Variants in ADAMTS14 observed in about 807,000 individuals in gnomAD.
The protein encoded by ADAMTS14 is ADAM metallopeptidase with thrombospondin type 1 motif 14.
In ADAMTS14, 100 loss-of-function variants were observed where a neutral mutation model predicts 128.6. That is an observed-to-expected ratio of 0.78 (90% CI 0.66 to 0.92). ADAMTS14 has a LOEUF of 0.92. Among genes scored for constraint, ADAMTS14 ranks in the 40% least tolerant of loss-of-function variants. The pLI, the probability that ADAMTS14 is intolerant of heterozygous loss-of-function variation, is 0.00. For missense variants in ADAMTS14, 1,562 were observed against 1,658.6 expected (o/e 0.94, Z 1.01); for synonymous variants, 665 against 653.8 (o/e 1.02, Z -0.26).
intron 4 of ADAMTS14, among the ~76,000 whole-genome samples, chr10:70,717,752 C>T (rs552555612): frequency 6.6e-6 from 1 of 152,330 alleles, no homozygotes; most frequent in African/African-American, 2.4e-5. Flanking sequence ...CAGCCAGAAG[C>T]TTCCAGTCTG....
At chr10:70,717,129 C>T (rs1841079969) in intron 4 of ADAMTS14, among the ~76,000 whole-genome samples, 5 of 152,150 alleles carry the variant, frequency 3.3e-5, no homozygotes, top group Admixed American at 2.6e-4. Context: ...TTAGTGAGTA[C>T]GTGTTGTGTG....
At chr10:70,681,525 C>A (rs1839802248) in intron 2 of ADAMTS14, among the ~76,000 whole-genome samples, 1 of 152,212 alleles carries the variant, frequency 6.6e-6, no homozygotes, top group Non-Finnish European at 1.5e-5. Context: ...AAACAGGAGT[C>A]ACATTAGTGT....
chr10:70,723,739 G>A (rs560411464), intron 4 of ADAMTS14, among the ~76,000 whole-genome samples: 12 of 152,248 alleles, frequency 7.9e-5, no homozygotes, highest in Admixed American at 3.9e-4. Flanking sequence ...AGACCTGCCC[G>A]AGCCTGGCTA....
intron 2 of ADAMTS14, among the ~76,000 whole-genome samples, chr10:70,694,529 A>T (rs1840278593): frequency 6.6e-6 from 1 of 152,084 alleles, no homozygotes; most frequent in African/African-American, 2.4e-5. Context: ...TTCACCCCCG[A>T]TCCAACATTA....
At chr10:70,697,283 G>A (rs1030730108) in intron 2 of ADAMTS14, among the ~76,000 whole-genome samples, 30 of 152,192 alleles carry the variant, frequency 2.0e-4, no homozygotes, top group African/African-American at 6.0e-4. Context: ...TTTGGCAAAC[G>A]TAGGCTGGTC....
At chr10:70,693,470 C>G (rs1219047606) in intron 2 of ADAMTS14, among the ~76,000 whole-genome samples, 1 of 152,164 alleles carries the variant, frequency 6.6e-6, no homozygotes, top group Non-Finnish European at 1.5e-5. Flanking sequence ...CAGATGCAAA[C>G]ACTAATATGG....
In ADAMTS14 at chr10:70,702,090, A is replaced by AGGGTG. The variant is rs1840509270; in HGVS notation, c.523-219_523-215dup. 2.6e-5 allele frequency among the ~76,000 whole-genome samples: 4 copies of AGGGTG among 152,276 alleles called. No individual in the cohort carries two copies. The South Asian group carries it at 8.3e-4, about 32-fold the overall frequency. On this transcript the variant is annotated intron_variant, in intron 2 of 21. Transcript: ENST00000373207. ...AAAGTGGATCTACTTTGCTGAAAGG[A>AGGGTG]GGGTGGGCCCCTTTGCTCAGCTTTC...
chr10:70,679,474 G>A (rs1839737877), intron 2 of ADAMTS14, among the ~76,000 whole-genome samples: 1 of 152,170 alleles, frequency 6.6e-6, no homozygotes, highest in African/African-American at 2.4e-5. Flanking sequence ...TCAGTTCTTT[G>A]CGGATCCTGG....
Position 70,735,315 on chromosome 10 carries a change from T to C in ADAMTS14, c.1485+14T>C, listed in dbSNP as rs767274604. On this transcript the variant is annotated intron_variant, in intron 9 of 21. Transcript: ENST00000373207. Reference sequence around the variant, plus strand: ...ACCTGCTTGGCAGTAAGTAGCCATCTGGCCTCTGCCAGGTGGTTGGGGGCC... The same window carrying C: ...ACCTGCTTGGCAGTAAGTAGCCATCCGGCCTCTGCCAGGTGGTTGGGGGCC... 6.2e-6 allele frequency: 10 copies of C among 1,613,084 alleles called. No individual in the cohort carries two copies. The Admixed American group carries it at 1.7e-4, about 27-fold the overall frequency.
intron 4 of ADAMTS14, among the ~76,000 whole-genome samples, chr10:70,726,787 C>G (rs1841444143): frequency 6.6e-6 from 1 of 152,152 alleles, no homozygotes; most frequent in Admixed American, 6.5e-5. Context: ...GCCCCCTACT[C>G]CACCCTGAAG....
intron 4 of ADAMTS14, among the ~76,000 whole-genome samples, chr10:70,719,100 A>G (rs76395460): frequency 0.015 from 2,351 of 152,184 alleles, 62 homozygotes; most frequent in African/African-American, 0.054. Flanking sequence ...GGTAGAGGCC[A>G]GGGATTCCAC....
Position 70,743,615 on chromosome 10 carries a change from G to A in ADAMTS14, c.1992G>A (p.Val664=). ...GGGACGTGGTGTTCATGAACCAGGT[G>A]GTTCACGATGGGACACGCTGCAGCT... ...DTGDVVFMNQ[V]VHDGTRCSYR... The change falls in exon 13 of 22, where the codon GTG becomes GTA. Residue 664 remains valine (V), a synonymous_variant. Transcript: ENST00000373207. 6.2e-7 allele frequency: 1 copy of A among 1,612,626 alleles called. No individual in the cohort carries two copies. Among genetic ancestry groups the A allele is most frequent in the Non-Finnish European group, 8.5e-7 (1 of 1,179,620 alleles).
rs555081424 is a variant in ADAMTS14, at chr10:70,673,758, A to G, written c.83-798A>G. 1.3e-4 allele frequency among the ~76,000 whole-genome samples: 19 copies of G among 151,384 alleles called. No homozygotes were observed. The South Asian group carries it at 3.7e-3, about 30-fold the overall frequency. On this transcript the variant is annotated intron_variant, in intron 1 of 21. Transcript: ENST00000373207. Reference sequence around the variant, plus strand: ...CCCAAACTCGCATTCATGAATCACCAGGCCTGGAAGCCAGGGAGCTGTCAT... The same window carrying G: ...CCCAAACTCGCATTCATGAATCACCGGGCCTGGAAGCCAGGGAGCTGTCAT...
At chr10:70,701,123 C>T (rs1472519246) in intron 2 of ADAMTS14, among the ~76,000 whole-genome samples, 1 of 152,098 alleles carries the variant, frequency 6.6e-6, no homozygotes, top group East Asian at 1.9e-4. Context: ...CTAGAAGGGG[C>T]AAAGAAAAGG....
In ADAMTS14 at chr10:70,752,170, A is replaced by G. The variant is rs763988636; in HGVS notation, c.2672A>G (p.Lys891Arg). Residue 891 changes from lysine to arginine, a missense_variant, in exon 18 of 22, where the codon AAG (lysine) becomes AGG (arginine). Coordinates refer to ENST00000373207, the MANE Select transcript of ADAMTS14 (RefSeq NM_080722.4). ...HMVQRHLCDH[K>R]KRPKPIRRRC... ...GTGCAGCGACACCTGTGTGACCACAAGAAGAGGCCCAAGCCCATCCGCCGG... is the reference window on the plus strand; with the variant it reads ...GTGCAGCGACACCTGTGTGACCACAGGAAGAGGCCCAAGCCCATCCGCCGG... 2 of 1,613,700 alleles carry G rather than the reference A, an allele frequency of 1.2e-6. No homozygotes were observed. The highest frequency in any genetic ancestry group is 1.7e-6 in the Non-Finnish European group (2 of 1,179,970).
intron 8 of ADAMTS14, among the ~76,000 whole-genome samples, chr10:70,734,656 C>T (rs766516129): frequency 4.6e-5 from 7 of 152,330 alleles, no homozygotes; most frequent in Middle Eastern, 3.4e-3. Flanking sequence ...AAGTGTTAGA[C>T]TCAGGACCTT....
Position 70,760,437 on chromosome 10 carries a change from C to A in ADAMTS14, c.3256C>A (p.His1086Asn). ...LDRYCSIPGY[H>N]RLCCVSCIKK... ...TCGCTACTGCTCCATTCCCGGCTAC[C>A]ACCGGCTCTGCTGTGTGTCCTGCAT... is the stretch of plus-strand genomic sequence containing the variant. Residue 1086 changes from histidine to asparagine, a missense_variant, in exon 22 of 22, where the codon CAC becomes AAC. Transcript: ENST00000373207. The A allele has an allele frequency of 6.2e-7, 1 of 1,613,348 alleles. No individual in the cohort carries two copies. Among genetic ancestry groups the A allele is most frequent in the Non-Finnish European group, 8.5e-7 (1 of 1,179,818 alleles).
At chr10:70,680,414 TA>T (rs1839768381) in intron 2 of ADAMTS14, among the ~76,000 whole-genome samples, 1 of 151,756 alleles carries the variant, frequency 6.6e-6, no homozygotes, top group African/African-American at 2.4e-5. Flanking sequence ...AAAAAATAAA[TA>T]AATAAAAAAA....
At chr10:70,683,053 C>A (rs1839861204) in intron 2 of ADAMTS14, among the ~76,000 whole-genome samples, 1 of 152,248 alleles carries the variant, frequency 6.6e-6, no homozygotes, top group Admixed American at 6.5e-5. Context: ...GAGGTGGTGA[C>A]TGCTGAGGCA....
Sources: allele counts gnomAD v4.1 joint callset (sites outside exome capture counted in the v4.1 genomes callset), GRCh38; gene constraint gnomAD v4.1.1; transcripts MANE v1.5; gene names NCBI Gene and HGNC (gene_info 2026-07-23, HGNC 2026-07-21).